The following PLCB4 variants were observed in gnomAD, a reference collection of about 807,000 sequenced individuals.
PLCB4 encodes the protein 1-phosphatidylinositol 4,5-bisphosphate phosphodiesterase beta-4.
Under a neutral mutation model 178.8 loss-of-function variants are expected in PLCB4, and 77 were observed. The observed-to-expected ratio is 0.43, with a 90% CI of 0.36 to 0.52. The LOEUF is 0.52. PLCB4 is among the 20% of genes least tolerant of loss of function. The pLI is 0.00. For synonymous variants in PLCB4, 496 were observed against 490.8 expected (o/e 1.01, Z -0.14); for missense variants, 1,024 against 1,453.4 (o/e 0.70, Z 4.80).
At chr20:9,273,995 A>G (rs936060901) in intron 3 of PLCB4, among the ~76,000 whole-genome samples, 6 of 152,104 alleles carry the variant, frequency 3.9e-5, no homozygotes, top group African/African-American at 1.4e-4. Flanking sequence ...AACTAGAGTC[A>G]GGGGAAGACG....
At chr20:9,408,157 C>A (rs1380883505) in intron 22 of PLCB4, 99 bp downstream of exon 22, 17 of 995,178 alleles carry the variant, frequency 1.7e-5, no homozygotes, top group Non-Finnish European at 2.6e-5. Context: ...TCTTTGTGGG[C>A]ATGGGGGCTG....
intron 4 of PLCB4, among the ~76,000 whole-genome samples, chr20:9,323,198 C>A (rs139862872): frequency 1.3e-5 from 2 of 152,196 alleles, no homozygotes; most frequent in Non-Finnish European, 2.9e-5. Context: ...ACTTGCTGTT[C>A]TCCCTCTGGA....
chr20:9,371,801 T>C (rs907745352), intron 10 of PLCB4, among the ~76,000 whole-genome samples: 1 of 152,244 alleles, frequency 6.6e-6, no homozygotes, highest in Non-Finnish European at 1.5e-5. Context: ...ATTTATTGAC[T>C]TGAAGAAAGA....
intron 8 of PLCB4, among the ~76,000 whole-genome samples, chr20:9,363,969 T>C (rs1021945677): frequency 4.6e-5 from 7 of 152,256 alleles, no homozygotes; most frequent in African/African-American, 1.7e-4. Context: ...GGCTTCACCA[T>C]GGCAAATTCT....
In PLCB4 at chr20:9,253,729, A is replaced by G. The variant is rs141393157; in HGVS notation, c.-16+36277A>G. On this transcript the variant is annotated intron_variant, in intron 3 of 39. Transcript: ENST00000378473. ...TGAGGCCAAACTTAGATGTGATTTA[A>G]TGACCATATTTGGGTACACTGGAAG... 7.5e-3 allele frequency among the ~76,000 whole-genome samples: 1,136 copies of G among 152,276 alleles called. 17 individuals are homozygous for G. Among genetic ancestry groups the G allele is most frequent in the African/African-American group, 0.026 (1,081 of 41,550 alleles).
At chr20:9,344,726 A>G (rs902115856) in intron 7 of PLCB4, among the ~76,000 whole-genome samples, 1 of 152,194 alleles carries the variant, frequency 6.6e-6, no homozygotes, top group South Asian at 2.1e-4. Context: ...TTAGAGCCAC[A>G]TTTCAGGATG....
At chr20:9,206,299 CTTTTTTTTTTT>C (rs71184138) in intron 2 of PLCB4, among the ~76,000 whole-genome samples, 12 of 96,130 alleles carry the variant, frequency 1.2e-4, no homozygotes, top group African/African-American at 2.7e-4. Context: ...TTTCTTTTTT[CTTTTTTTTTTT>C]TTTTTTTTTT....
intron 33 of PLCB4, among the ~76,000 whole-genome samples, chr20:9,454,256 G>A (rs554263402): frequency 6.6e-6 from 1 of 152,182 alleles, no homozygotes; most frequent in Non-Finnish European, 1.5e-5. Context: ...GGATGGGGGT[G>A]TGACATTGAT....
chr20:9,240,470 C>G (rs1257558857), intron 3 of PLCB4, among the ~76,000 whole-genome samples: 1 of 152,198 alleles, frequency 6.6e-6, no homozygotes, highest in Non-Finnish European at 1.5e-5. Flanking sequence ...TTCATTCTCT[C>G]TGTAACCATC....
At chr20:9,413,487 G>T (rs558220591) in intron 25 of PLCB4, among the ~76,000 whole-genome samples, 1 of 151,700 alleles carries the variant, frequency 6.6e-6, no homozygotes, top group African/African-American at 2.4e-5. Context: ...GCGAAATCCC[G>T]TCTCTACTAA....
At chr20:9,294,547 T>C (rs1240507196) in intron 3 of PLCB4, among the ~76,000 whole-genome samples, 2 of 152,170 alleles carry the variant, frequency 1.3e-5, no homozygotes, top group African/African-American at 4.8e-5. Context: ...AAATGGACTG[T>C]CTTTCTTACC....
rs74718509 is a variant in PLCB4 at position 9,343,130 on chromosome 20, T to G, written c.369+4093T>G. Reference sequence around the variant, plus strand: ...ACCTGATGAGTCTTGGTCTGACAAGTGAAATGTAAGTTAAGTGAGTTTCTA... The same window carrying G: ...ACCTGATGAGTCTTGGTCTGACAAGGGAAATGTAAGTTAAGTGAGTTTCTA... On this transcript the variant is annotated intron_variant, in intron 7 of 39. Coordinates refer to ENST00000378473, the MANE Select transcript of PLCB4 (RefSeq NM_001377142.1). Among the ~76,000 whole-genome samples, 1,330 of 152,270 alleles carry G rather than the reference T, an allele frequency of 8.7e-3. 15 individuals are homozygous for G. The highest frequency in any genetic ancestry group is 0.03 in the African/African-American group (1,250 of 41,564).
chr20:9,303,841 CT>C (rs1016625689), intron 3 of PLCB4, among the ~76,000 whole-genome samples: 1 of 152,070 alleles, frequency 6.6e-6, no homozygotes, highest in Non-Finnish European at 1.5e-5. Context: ...AAGATATATA[CT>C]TTTTATTTAG....
chr20:9,451,494 A>C (rs1436677564), intron 32 of PLCB4, among the ~76,000 whole-genome samples: 1 of 152,202 alleles, frequency 6.6e-6, no homozygotes, highest in Non-Finnish European at 1.5e-5. Flanking sequence ...TGGGTTAGCC[A>C]ACCATAATGA....
intron 2 of PLCB4, among the ~76,000 whole-genome samples, chr20:9,144,787 G>A (rs1444675443): frequency 2.8e-5 from 4 of 140,554 alleles, no homozygotes; most frequent in Non-Finnish European, 6.1e-5. Flanking sequence ...GGGAGGAGGG[G>A]TAGGAGGAGA....
At chr20:9,171,742 T>G (rs947286233) in intron 2 of PLCB4, among the ~76,000 whole-genome samples, 2 of 152,184 alleles carry the variant, frequency 1.3e-5, no homozygotes, top group Non-Finnish European at 2.9e-5. Flanking sequence ...CATCTGATGA[T>G]GTAATTGGAG....
At chr20:9,239,413 A>G (rs1394634936) in intron 3 of PLCB4, among the ~76,000 whole-genome samples, 1 of 152,208 alleles carries the variant, frequency 6.6e-6, no homozygotes, top group African/African-American at 2.4e-5. Flanking sequence ...TTCCACACCC[A>G]TCTCACAGTT....
intron 3 of PLCB4, among the ~76,000 whole-genome samples, chr20:9,271,139 T>C (rs2094398635): frequency 6.6e-6 from 1 of 152,164 alleles, no homozygotes; most frequent in African/African-American, 2.4e-5. Flanking sequence ...ATCCAGCCTT[T>C]GAGGACTTAC....
chr20:9,155,348 A>C (rs1451791141), intron 2 of PLCB4, among the ~76,000 whole-genome samples: 1 of 152,054 alleles, frequency 6.6e-6, no homozygotes, highest in Non-Finnish European at 1.5e-5. Flanking sequence ...TCCATTCATT[A>C]GTTGATGGGC....
Sources: allele counts gnomAD v4.1 joint callset (sites outside exome capture counted in the v4.1 genomes callset), GRCh38; gene constraint gnomAD v4.1.1; transcripts MANE v1.5; gene names NCBI Gene and HGNC (gene_info 2026-07-23, HGNC 2026-07-21).